Variants in KBTBD12 observed in about 807,000 individuals in gnomAD.
The protein encoded by KBTBD12 is kelch repeat and BTB domain-containing protein 12.
KBTBD12 carries 53 observed loss-of-function variants against 58.7 expected under a neutral mutation model. That is an observed-to-expected ratio of 0.90 (90% CI 0.72 to 1.14). The LOEUF (loss-of-function observed/expected upper bound fraction) is 1.14. Among genes scored for constraint, KBTBD12 ranks in the 50% most tolerant of loss-of-function variants. The probability of loss-of-function intolerance (pLI) is 0.00; values close to 1 mark genes in which losing one functional copy is unlikely to be tolerated. For missense variants in KBTBD12, 704 were observed against 751.3 expected, an observed-to-expected ratio of 0.94 and a Z score of 0.74; for synonymous variants, 236 against 259.8, an observed-to-expected ratio of 0.91 and a Z score of 0.88.
In KBTBD12 at chr3:127,923,135, A is replaced by G; in HGVS notation, c.74A>G (p.Lys25Arg). 2 of 1,612,822 alleles carry G rather than the reference A, an allele frequency of 1.2e-6. No homozygotes were observed. Among genetic ancestry groups the G allele is most frequent in the Non-Finnish European group, 1.7e-6 (2 of 1,178,894 alleles). The change falls in exon 2 of 6, where the codon AAA becomes AGA. Residue 25 changes from lysine to arginine, a missense_variant. Transcript: ENST00000405109. ...TTACTGAATAAAATTCAGAACATGA[A>G]AGAATTAGCAGAAATGATTGATGTG... The part of the protein sequence containing the change: ...LNLLNKIQNM[K>R]ELAEMIDVVL...
intron 4 of KBTBD12, among the ~76,000 whole-genome samples, chr3:127,952,230 C>G (rs915053553): frequency 2.0e-5 from 3 of 152,164 alleles, no homozygotes; most frequent in Admixed American, 2.0e-4. Flanking sequence ...AATATTGTGA[C>G]TAAATCCAGG....
chr3:127,948,536 T>A (rs1940137237), intron 4 of KBTBD12, among the ~76,000 whole-genome samples: 1 of 152,342 alleles, frequency 6.6e-6, no homozygotes, highest in Admixed American at 6.5e-5. Context: ...TTCTGTGATG[T>A]TTTTCCATAA....
rs190687915 is a variant in KBTBD12 at position 127,984,118 on chromosome 3, A to G, written c.1712A>G (p.Lys571Arg). 9.0e-5 allele frequency: 146 copies of G among 1,613,458 alleles called. No individual in the cohort carries two copies. Among genetic ancestry groups the G allele is most frequent in the Middle Eastern group, 1.7e-4 (1 of 6,054 alleles). The change falls in exon 6 of 6, where the codon AAA becomes AGA. Residue 571 changes from lysine (K) to arginine (R), a missense_variant. Transcript: ENST00000405109. ...HGADRHEVIS[K>R]EILELDPWEN... The stretch of plus-strand genomic sequence containing the variant: ...TCAGATCGCCATGAGGTTATCTCCA[A>G]AGAAATATTGGAACTGGACCCATGG...
At chr3:127,957,276 T>C (rs1243948704) in intron 4 of KBTBD12, among the ~76,000 whole-genome samples, 2 of 152,238 alleles carry the variant, frequency 1.3e-5, no homozygotes, top group East Asian at 1.9e-4. Flanking sequence ...TAATATTTAT[T>C]TCACAAATAC....
Position 127,984,174 on chromosome 3 carries a change from G to A in KBTBD12, c.1768G>A (p.Val590Ile), listed in dbSNP as rs1037181895. 10 of 1,613,616 alleles carry A rather than the reference G, an allele frequency of 6.2e-6. No homozygotes were observed. The highest frequency in any genetic ancestry group is 5.3e-5 in the African/African-American group (4 of 74,896). The change falls in exon 6 of 6, where the codon GTC becomes ATC. Residue 590 changes from valine to isoleucine, a missense_variant. Val to Ile is a conservative substitution (Grantham distance 29). Transcript: ENST00000405109. ...ENQWNVVAIN[V>I]LMHDSYDVCL... ...CCAGTGGAATGTTGTAGCCATCAAC[G>A]TCCTCATGCATGACAGCTATGATGT...
In KBTBD12 at chr3:127,956,461, C is replaced by CA. The variant is rs11367870; in HGVS notation, c.1493-6713dup. On this transcript the variant is annotated intron_variant, in intron 4 of 5. Coordinates refer to ENST00000405109, the MANE Select transcript of KBTBD12 (RefSeq NM_207335.4). ...CAGCAGACTCTGAGTGTCTTATGGA[C>CA]AAAAAAAAAAAAAAATCCTCAAACT... Among the ~76,000 whole-genome samples, 541 of 104,276 alleles carry CA rather than the reference C, an allele frequency of 5.2e-3. 6 individuals are homozygous for CA. Among genetic ancestry groups the CA allele is most frequent in the Middle Eastern group, 5.2e-3 (1 of 192 alleles). The allele number at this position is 104,276 out of a possible 152,430, so 68.4% of individuals were successfully genotyped here.
At chr3:127,961,060 C>T (rs1576389134) in intron 4 of KBTBD12, among the ~76,000 whole-genome samples, 1 of 152,274 alleles carries the variant, frequency 6.6e-6, no homozygotes, top group East Asian at 1.9e-4. Context: ...TTTGCTTCCA[C>T]TTGCTGGTCT....
At position 127,960,466 on chromosome 3, in the gene KBTBD12, T is replaced by C. The variant is rs1326644226; in HGVS notation, c.1493-2723T>C. ...TCTGTTTTTGAATAAAGAAAAGTCA[T>C]GCTCAGAGGTTCGTATAAATTAAAG... On this transcript the variant is annotated intron_variant, in intron 4 of 5. Transcript: ENST00000405109. 2.6e-5 allele frequency among the ~76,000 whole-genome samples: 4 copies of C among 152,354 alleles called. No individual in the cohort carries two copies. In the East Asian group the frequency reaches 5.8e-4, roughly 22 times the overall value.
intron 4 of KBTBD12, among the ~76,000 whole-genome samples, chr3:127,943,846 T>C (rs1052163260): frequency 3.9e-5 from 6 of 152,182 alleles, no homozygotes; most frequent in Non-Finnish European, 8.8e-5. Context: ...TTAATCCATT[T>C]TGAGTTGCTT....
chr3:127,976,709 G>T (rs1940789885), intron 5 of KBTBD12, among the ~76,000 whole-genome samples: 4 of 152,082 alleles, frequency 2.6e-5, no homozygotes. Flanking sequence ...TTCACTTTTT[G>T]CACTTAAGTT....
chr3:127,933,428 T>A (rs1334084656), intron 4 of KBTBD12, among the ~76,000 whole-genome samples: 1 of 152,170 alleles, frequency 6.6e-6, no homozygotes. Context: ...GGCTGAGATC[T>A]TAGTCCTGGT....
intron 4 of KBTBD12, among the ~76,000 whole-genome samples, chr3:127,937,094 T>G (rs1177332771): frequency 1.3e-5 from 2 of 151,986 alleles, no homozygotes; most frequent in Non-Finnish European, 2.9e-5. Flanking sequence ...CCACAAATAA[T>G]TTTCCAAGGA....
chr3:127,949,770 G>C (rs1369133896), intron 4 of KBTBD12, among the ~76,000 whole-genome samples: 2 of 152,178 alleles, frequency 1.3e-5, no homozygotes, highest in Non-Finnish European at 2.9e-5. Context: ...GCTTTCTAGA[G>C]AGTAAGGGAG....
At chr3:127,957,689 A>G (rs1229134549) in intron 4 of KBTBD12, among the ~76,000 whole-genome samples, 1 of 152,112 alleles carries the variant, frequency 6.6e-6, no homozygotes, top group African/African-American at 2.4e-5. Context: ...TACCTAGGAC[A>G]TGAGTAAGGA....
chr3:127,929,477 A>G lies in KBTBD12; in HGVS notation c.1342-656A>G, dbSNP rs376725367. On this transcript the variant is annotated intron_variant, in intron 3 of 5. Transcript: ENST00000405109. ...AATATTATTTCACCTAACATTTATG[A>G]ATAGGAAAAGCCACATCTGTGTAAG... Among the ~76,000 whole-genome samples, 15 of 152,196 alleles carry G rather than the reference A, an allele frequency of 9.9e-5. No individual in the cohort carries two copies. In the East Asian group the frequency reaches 2.3e-3, roughly 23 times the overall value.
At chr3:127,922,483 G>T (rs1939436422) in intron 1 of KBTBD12, among the ~76,000 whole-genome samples, 1 of 152,014 alleles carries the variant, frequency 6.6e-6, no homozygotes, top group Admixed American at 6.6e-5. Flanking sequence ...AGGGTATATT[G>T]TACAAGGCCC....
intron 5 of KBTBD12, among the ~76,000 whole-genome samples, chr3:127,969,325 A>G (rs1049990596): frequency 8.5e-5 from 13 of 152,178 alleles, no homozygotes; most frequent in African/African-American, 2.9e-4. Flanking sequence ...TCTATTTACA[A>G]TATCATCAAA....
At chr3:127,948,176 T>A (rs1258663927) in intron 4 of KBTBD12, among the ~76,000 whole-genome samples, 3 of 152,216 alleles carry the variant, frequency 2.0e-5, no homozygotes, top group African/African-American at 7.2e-5. Flanking sequence ...ATAGCAGTAA[T>A]CGAAGCCAGT....
intron 4 of KBTBD12, among the ~76,000 whole-genome samples, chr3:127,937,475 T>C (rs1939855193): frequency 6.6e-6 from 1 of 152,054 alleles, no homozygotes; most frequent in African/African-American, 2.4e-5. Flanking sequence ...TTCTGAAAAT[T>C]AGTGAATAGA....
Sources: gnomAD v4.1 joint callset for allele counts (sites outside exome capture counted in the v4.1 genomes callset) on GRCh38, gnomAD v4.1.1 for gene constraint, MANE v1.5 for transcripts, NCBI Gene and HGNC (gene_info 2026-07-23, HGNC 2026-07-21) for gene names.